Variants in DLGAP2 observed in about 807,000 individuals in gnomAD.
DLGAP2 encodes the protein DLG associated protein 2.
Under a neutral mutation model 100.3 loss-of-function variants are expected in DLGAP2, and 26 were observed. The ratio of observed to expected loss-of-function variants is 0.26; its 90% CI spans 0.19 to 0.36. DLGAP2 has a LOEUF of 0.36. Ranked by LOEUF, DLGAP2 falls within the 10% of genes least tolerant of loss-of-function variation. The probability of loss-of-function intolerance (pLI) is 1.00; values close to 1 mark genes in which losing one functional copy is unlikely to be tolerated. For synonymous variants in DLGAP2, 886 were observed against 630.1 expected (o/e 1.41, Z -6.08); for missense variants, 1,858 against 1,453.2 (o/e 1.28, Z -4.53).
intron 3 of DLGAP2, among the ~76,000 whole-genome samples, chr8:1,386,589 C>G (rs1452160703): frequency 6.6e-6 from 1 of 152,190 alleles, no homozygotes; most frequent in African/African-American, 2.4e-5. Flanking sequence ...CACACAGAGT[C>G]TCTGAGGCTC....
At chr8:1,565,633 C>T in intron 5 of DLGAP2, 50 bp from the exon 6 acceptor site, 2 of 1,479,004 alleles carry the variant, frequency 1.4e-6, no homozygotes, top group Non-Finnish European at 1.9e-6. Context: ...GCTGATGCTG[C>T]CGTTCTCAGT....
intron 2 of DLGAP2, among the ~76,000 whole-genome samples, chr8:1,038,817 ACATC>A (rs1442950579): frequency 6.6e-6 from 1 of 152,218 alleles, no homozygotes; most frequent in East Asian, 1.9e-4. Flanking sequence ...GCTCATGGAA[ACATC>A]CATGTTTTTT....
At chr8:1,241,135 A>G (rs77144614) in intron 2 of DLGAP2, among the ~76,000 whole-genome samples, 1,070 of 97,762 alleles carry the variant, frequency 0.011, 31 homozygotes, top group Non-Finnish European at 0.016. Context: ...CGCCGTGTCT[A>G]GTTCTCTCAC....
At chr8:1,274,695 CTTTTTTTTTTTTTTTTTTTT>C (rs145930765) in intron 3 of DLGAP2, among the ~76,000 whole-genome samples, 1 of 22,210 alleles carries the variant, frequency 4.5e-5, no homozygotes, top group Admixed American at 4.9e-4. Flanking sequence ...TTTCATTTAT[CTTTTTTTTTTTTTTTTTTTT>C]TTTTTTTTTG....
chr8:1,275,297 C>CT (rs911749278), intron 3 of DLGAP2, among the ~76,000 whole-genome samples: 6 of 151,678 alleles, frequency 4.0e-5, no homozygotes, highest in African/African-American at 1.5e-4. Context: ...TCGTAGCTTA[C>CT]TAGATGCCCA....
chr8:1,111,436 G>C (rs969009508), intron 2 of DLGAP2, among the ~76,000 whole-genome samples: 14 of 151,648 alleles, frequency 9.2e-5, no homozygotes, highest in Admixed American at 7.9e-4. Flanking sequence ...CGGTACATGT[G>C]AAGGCTTCTT....
At chr8:1,149,549 G>A (rs768031863) in intron 2 of DLGAP2, among the ~76,000 whole-genome samples, 1 of 152,114 alleles carries the variant, frequency 6.6e-6, no homozygotes, top group South Asian at 2.1e-4. Context: ...TGCATGTTAT[G>A]TCTTCTTTCA....
At chr8:1,144,355 A>G (rs557442702) in intron 2 of DLGAP2, among the ~76,000 whole-genome samples, 3 of 152,258 alleles carry the variant, frequency 2.0e-5, no homozygotes, top group African/African-American at 4.8e-5. Flanking sequence ...GCCACGTCCT[A>G]AAGTTTAGTG....
intron 2 of DLGAP2, among the ~76,000 whole-genome samples, chr8:969,542 GA>G (rs60402271): frequency 7.5e-4 from 106 of 141,842 alleles, no homozygotes; most frequent in African/African-American, 1.6e-3. Flanking sequence ...GTGCCAGTTA[GA>G]AAAAAAAAAA....
At chr8:1,221,884 A>G (rs918603767) in intron 2 of DLGAP2, among the ~76,000 whole-genome samples, 1 of 152,132 alleles carries the variant, frequency 6.6e-6, no homozygotes, top group Non-Finnish European at 1.5e-5. Context: ...AGCTTGGTCT[A>G]TTCTGTTATT....
chr8:1,699,482 T>C (rs1033914560), intron 14 of DLGAP2, among the ~76,000 whole-genome samples: 12 of 148,942 alleles, frequency 8.1e-5, no homozygotes, highest in South Asian at 4.2e-4. Context: ...GGCGTGGTGG[T>C]GGGCGCCTGT....
At chr8:1,642,093 A>C (rs375811315) in intron 8 of DLGAP2, among the ~76,000 whole-genome samples, 26 of 4,806 alleles carry the variant, frequency 5.4e-3, no homozygotes, top group East Asian at 0.014. Context: ...TCACCCTCGA[A>C]CCCGCCGGCC....
intron 3 of DLGAP2, among the ~76,000 whole-genome samples, chr8:1,296,533 C>G (rs531200135): frequency 6.6e-6 from 1 of 152,196 alleles, no homozygotes; most frequent in African/African-American, 2.4e-5. Flanking sequence ...CGCTGCCTAT[C>G]TTGCAGAGTG....
chr8:1,411,108 C>CACGACAAG lies in DLGAP2; in HGVS notation c.107-90257_107-90256insCGACAAGA, dbSNP rs1371288829. On this transcript the variant is annotated intron_variant, in intron 3 of 14. Transcript: ENST00000637795. ...ACGCCAGTTGTTCCTTTCAGGTATT[C>CACGACAAG]AGTCGTGGTCTCTTGTTCTGGAAAC... Among the ~76,000 whole-genome samples, 42 of 152,240 alleles carry CACGACAAG rather than the reference C, an allele frequency of 2.8e-4. 1 individual carries two copies. The highest frequency in any genetic ancestry group is 3.4e-3 in the Middle Eastern group (1 of 294).
chr8:1,209,998 C>G (rs954354056), intron 2 of DLGAP2, among the ~76,000 whole-genome samples: 13 of 152,194 alleles, frequency 8.5e-5, no homozygotes, highest in Admixed American at 6.5e-4. Context: ...TTCATAATCT[C>G]CAGGATTCAG....
chr8:1,240,767 A>C (rs77062712), intron 2 of DLGAP2, among the ~76,000 whole-genome samples: 1 of 30,196 alleles, frequency 3.3e-5, no homozygotes, highest in African/African-American at 1.9e-4. Flanking sequence ...CGCCGTGTCT[A>C]GTTGTCTCAC....
chr8:1,680,855 A>G (rs1283944611), intron 12 of DLGAP2: 1 of 152,228 alleles, frequency 6.6e-6, no homozygotes, highest in Admixed American at 6.5e-5. Flanking sequence ...GAAAAACTGC[A>G]TTGCCTAAGT....
intron 2 of DLGAP2, among the ~76,000 whole-genome samples, chr8:1,189,048 G>T (rs1423453633): frequency 6.8e-6 from 1 of 147,898 alleles, no homozygotes; most frequent in Non-Finnish European, 1.5e-5. Context: ...TCCGCTGTTG[G>T]GGTTGAGCAT....
chr8:1,501,435 G>A lies in DLGAP2; in HGVS notation c.172+4G>A, dbSNP rs753552416. ...GGGCCGGCAGAGGAGGATCTAGGTA[G>A]AGTACAGACGTCAGCCCCGCTCTGG... On this transcript the variant is annotated splice_donor_region_variant and intron_variant, in intron 4 of 14. Coordinates refer to ENST00000637795, the MANE Select transcript of DLGAP2 (RefSeq NM_001346810.2). 1.1e-4 allele frequency: 171 copies of A among 1,535,496 alleles called. No homozygotes were observed. The highest frequency in any genetic ancestry group is 1.5e-4 in the Non-Finnish European group (169 of 1,146,718).
Sources: allele counts gnomAD v4.1 joint callset (sites outside exome capture counted in the v4.1 genomes callset), GRCh38; gene constraint gnomAD v4.1.1; transcripts MANE v1.5; gene names NCBI Gene and HGNC (gene_info 2026-07-23, HGNC 2026-07-21).